Variants in DLGAP1 observed in about 807,000 individuals in gnomAD.
DLGAP1 encodes the protein DLG associated protein 1, also known as disks large-associated protein 1.
Under a neutral mutation model 90.8 loss-of-function variants are expected in DLGAP1, and 11 were observed. That is an observed-to-expected ratio of 0.12 (90% CI 0.08 to 0.20). The LOEUF (loss-of-function observed/expected upper bound fraction) is 0.20, where lower values mean the gene tolerates loss of function less well. Among genes scored for constraint, DLGAP1 ranks in the 10% least tolerant of loss-of-function variants. The probability of loss-of-function intolerance (pLI) is 1.00; values close to 1 mark genes in which losing one functional copy is unlikely to be tolerated. For synonymous variants in DLGAP1, 558 were observed against 540.7 expected (o/e 1.03, Z -0.44); for missense variants, 1,050 against 1,333.8 (o/e 0.79, Z 3.31).
At chr18:4,399,926 A>C (rs1302925276) in intron 1 of DLGAP1, among the ~76,000 whole-genome samples, 1 of 152,110 alleles carries the variant, frequency 6.6e-6, no homozygotes, top group African/African-American at 2.4e-5. Context: ...CTGACTCGGG[A>C]AAAAAAGCTA....
intron 12 of DLGAP1, among the ~76,000 whole-genome samples, chr18:3,500,975 G>A (rs966043450): frequency 2.6e-5 from 4 of 151,880 alleles, no homozygotes; most frequent in Non-Finnish European, 5.9e-5. Context: ...GTGCAGTGGC[G>A]CAACCACGGC....
intron 9 of DLGAP1, among the ~76,000 whole-genome samples, chr18:3,552,385 A>G (rs2053525473): frequency 1.3e-5 from 2 of 152,226 alleles, no homozygotes; most frequent in South Asian, 4.1e-4. Context: ...TGCTTTTGGG[A>G]AGAGCTTATC....
chr18:3,520,405 CCT>C (rs1256933227), intron 10 of DLGAP1, among the ~76,000 whole-genome samples: 3 of 152,202 alleles, frequency 2.0e-5, no homozygotes, highest in African/African-American at 4.8e-5. Flanking sequence ...CTCTTCTCCC[CCT>C]GTTATTCGCT....
intron 12 of DLGAP1, among the ~76,000 whole-genome samples, chr18:3,500,718 G>T (rs1043926056): frequency 1.3e-5 from 2 of 152,036 alleles, no homozygotes; most frequent in Admixed American, 6.6e-5. Flanking sequence ...ATTAAAAACC[G>T]TAAAAATCAA....
At chr18:3,948,123 T>A (rs906091430) in intron 3 of DLGAP1, among the ~76,000 whole-genome samples, 5 of 152,048 alleles carry the variant, frequency 3.3e-5, no homozygotes, top group African/African-American at 1.2e-4. Flanking sequence ...AGAGACCAAC[T>A]GAAGGGAGAT....
intron 1 of DLGAP1, among the ~76,000 whole-genome samples, chr18:4,438,385 T>C (rs1026076438): frequency 2.2e-5 from 3 of 138,832 alleles, no homozygotes; most frequent in Non-Finnish European, 3.0e-5. Context: ...TGAGCCGAGA[T>C]TGCGCCACTG....
At chr18:3,823,389 C>T (rs1245865466) in intron 4 of DLGAP1, among the ~76,000 whole-genome samples, 1 of 152,190 alleles carries the variant, frequency 6.6e-6, no homozygotes. Flanking sequence ...ACATCTAATA[C>T]ACAAACATAA....
intron 2 of DLGAP1, among the ~76,000 whole-genome samples, chr18:4,082,964 C>T (rs564041419): frequency 2.6e-5 from 4 of 152,200 alleles, no homozygotes; most frequent in African/African-American, 7.2e-5. Context: ...TAAGGGTCCC[C>T]GCCTTTTCAT....
chr18:3,647,984 T>G (rs1639370), intron 7 of DLGAP1, among the ~76,000 whole-genome samples: 7,243 of 152,268 alleles, frequency 0.048, 605 homozygotes, highest in African/African-American at 0.17. Context: ...AAGGAGGGCA[T>G]GTATAAAATC....
chr18:4,184,412 T>C (rs1236356144), intron 1 of DLGAP1, among the ~76,000 whole-genome samples: 1 of 152,114 alleles, frequency 6.6e-6, no homozygotes, highest in Non-Finnish European at 1.5e-5. Context: ...AAATACATAG[T>C]CTCAACAGTC....
At chr18:4,095,417 A>G (rs769155973) in intron 2 of DLGAP1, among the ~76,000 whole-genome samples, 1 of 152,204 alleles carries the variant, frequency 6.6e-6, no homozygotes, top group Non-Finnish European at 1.5e-5. Flanking sequence ...TGGGTGAACA[A>G]AAGAACCCCT....
At chr18:3,974,115 G>A (rs1041964704) in intron 3 of DLGAP1, among the ~76,000 whole-genome samples, 4 of 150,630 alleles carry the variant, frequency 2.7e-5, no homozygotes, top group African/African-American at 9.8e-5. Context: ...TCACTCCCTC[G>A]CCAGGCTGGA....
At chr18:3,629,930 C>T (rs1354982169) in intron 7 of DLGAP1, among the ~76,000 whole-genome samples, 1 of 152,186 alleles carries the variant, frequency 6.6e-6, no homozygotes, top group African/African-American at 2.4e-5. Flanking sequence ...GAAACTTCCC[C>T]TACCCCCATA....
chr18:3,929,899 T>C (rs1311852357), intron 3 of DLGAP1, among the ~76,000 whole-genome samples: 1 of 152,198 alleles, frequency 6.6e-6, no homozygotes, highest in African/African-American at 2.4e-5. Context: ...AGAAATGGAA[T>C]GACTGCACCA....
chr18:3,703,441 C>T (rs1383382629), intron 7 of DLGAP1, among the ~76,000 whole-genome samples: 1 of 152,192 alleles, frequency 6.6e-6, no homozygotes, highest in Non-Finnish European at 1.5e-5. Flanking sequence ...GTGAACTAGA[C>T]AGACACAGAA....
At chr18:3,686,503 T>C (rs1265260646) in intron 7 of DLGAP1, among the ~76,000 whole-genome samples, 2 of 152,220 alleles carry the variant, frequency 1.3e-5, no homozygotes, top group African/African-American at 4.8e-5. Flanking sequence ...GCAAAGACAG[T>C]GTTCCCTTAT....
At chr18:3,965,633 C>T (rs982777786) in intron 3 of DLGAP1, among the ~76,000 whole-genome samples, 10 of 152,004 alleles carry the variant, frequency 6.6e-5, no homozygotes, top group Non-Finnish European at 1.3e-4. Flanking sequence ...GTGTCTACTA[C>T]CCTGCAAGTA....
intron 1 of DLGAP1, among the ~76,000 whole-genome samples, chr18:4,424,160 T>A (rs1414584119): frequency 1.3e-5 from 2 of 151,660 alleles, no homozygotes; most frequent in African/African-American, 4.8e-5. Context: ...TAAAAAAAAA[T>A]TTTTTTAACA....
chr18:3,942,013 G>A (rs572948991), intron 3 of DLGAP1, among the ~76,000 whole-genome samples: 1 of 152,282 alleles, frequency 6.6e-6, no homozygotes, highest in South Asian at 2.1e-4. Flanking sequence ...GGGGAAATTT[G>A]AGATGATGAT....
Sources: allele counts gnomAD v4.1 joint callset (sites outside exome capture counted in the v4.1 genomes callset), GRCh38; gene constraint gnomAD v4.1.1; transcripts MANE v1.5; gene names NCBI Gene and HGNC (gene_info 2026-07-23, HGNC 2026-07-21).